Variants in TMEM131 observed in about 807,000 individuals in gnomAD.
TMEM131 encodes the protein transmembrane protein 131, also known as 2610524E03Rik.
A neutral mutation model predicts 211.6 loss-of-function variants in TMEM131; 66 were observed. The ratio of observed to expected loss-of-function variants is 0.31; its 90% CI spans 0.26 to 0.38. TMEM131 has a LOEUF of 0.38. Among genes scored for constraint, TMEM131 ranks in the 10% least tolerant of loss-of-function variants. TMEM131 has a pLI of 1.00. For missense variants in TMEM131, 2,036 were observed against 2,299.3 expected (o/e 0.89, Z 2.34); for synonymous variants, 844 against 841.3 (o/e 1.00, Z -0.06).
intron 12 of TMEM131, among the ~76,000 whole-genome samples, chr2:97,818,308 T>C (rs1681930876): frequency 6.6e-6 from 1 of 152,126 alleles, no homozygotes; most frequent in African/African-American, 2.4e-5. Context: ...TTATAATACA[T>C]AATATGTGTA....
intron 17 of TMEM131, among the ~76,000 whole-genome samples, chr2:97,811,458 AAG>A (rs971570934): frequency 1.1e-4 from 16 of 152,156 alleles, no homozygotes; most frequent in African/African-American, 3.9e-4. Context: ...TGGTTCCTGA[AAG>A]AGGGAGGGGT....
At chr2:97,894,645 T>C (rs747182210) in intron 3 of TMEM131, among the ~76,000 whole-genome samples, 3 of 152,198 alleles carry the variant, frequency 2.0e-5, no homozygotes, top group African/African-American at 7.2e-5. Context: ...TTTGTAGCAA[T>C]TGTGAATGGG....
chr2:97,792,328 A>G, intron 31 of TMEM131, 58 bp downstream of exon 31: 1 of 1,376,414 alleles, frequency 7.3e-7, no homozygotes, highest in African/African-American at 1.4e-5. Context: ...TAGCTCCTTA[A>G]GCACGCACTG....
rs1233149640 is a variant in TMEM131 at position 97,773,944 on chromosome 2, A to AGATT, written c.4321-1521_4321-1520insAATC. Among the ~76,000 whole-genome samples the AGATT allele has an allele frequency of 5.3e-5, 8 of 152,328 alleles. No homozygotes were observed. In the East Asian group the frequency reaches 1.5e-3, roughly 29 times the overall value. ...TGTTTACGGAAGCACTGGCAGGGACAGATGGGGAAGGACGTACTCAGCAAA... is the reference window on the plus strand; with the variant it reads ...TGTTTACGGAAGCACTGGCAGGGACAGATTGATGGGGAAGGACGTACTCAGCAAA... On this transcript the variant is annotated intron_variant, in intron 32 of 40. Coordinates refer to ENST00000186436, the MANE Select transcript of TMEM131 (RefSeq NM_015348.2).
intron 13 of TMEM131, among the ~76,000 whole-genome samples, chr2:97,814,814 T>A (rs1344332198): frequency 2.6e-5 from 4 of 152,208 alleles, no homozygotes; most frequent in Non-Finnish European, 4.4e-5. Flanking sequence ...GAAGTGTTTA[T>A]GAATTTATAA....
intron 1 of TMEM131, among the ~76,000 whole-genome samples, chr2:97,939,110 T>C (rs1677591401): frequency 6.6e-6 from 1 of 151,834 alleles, no homozygotes; most frequent in South Asian, 2.1e-4. Context: ...AACATCACAA[T>C]TAAAAGAACT....
At chr2:97,938,145 A>T (rs543190497) in intron 1 of TMEM131, among the ~76,000 whole-genome samples, 1 of 152,234 alleles carries the variant, frequency 6.6e-6, no homozygotes, top group African/African-American at 2.4e-5. Flanking sequence ...ACCAGCTAAC[A>T]TCATAATGAC....
In TMEM131 at chr2:97,759,758, T is replaced by C; in HGVS notation, c.5109-9A>G. The C allele has an allele frequency of 1.9e-6, 3 of 1,607,602 alleles. No homozygotes were observed. Among genetic ancestry groups the C allele is most frequent in the Non-Finnish European group, 2.6e-6 (3 of 1,176,332 alleles). ...GACTCCACAAACCCGAGCTAAATGT[T>C]ACAAGAGGAAAACGCAACACACAAA... is the stretch of plus-strand genomic sequence containing the variant. On this transcript the variant is annotated splice_polypyrimidine_tract_variant and intron_variant, in intron 38 of 40. Transcript: ENST00000186436.
At chr2:97,762,454 A>C in intron 35 of TMEM131, 1 of 350,548 alleles carries the variant, frequency 2.9e-6, no homozygotes, top group East Asian at 7.6e-5. Flanking sequence ...CAATGTCTTC[A>C]CTTCTCCCAC....
intron 4 of TMEM131, among the ~76,000 whole-genome samples, chr2:97,870,353 C>A (rs17023420): frequency 0.029 from 4,426 of 152,168 alleles, 76 homozygotes; most frequent in Middle Eastern, 0.065. Flanking sequence ...CTTGGCTGAA[C>A]AGGTAAAATT....
intron 10 of TMEM131, among the ~76,000 whole-genome samples, chr2:97,834,117 T>G (rs1380703110): frequency 2.6e-5 from 4 of 152,364 alleles, no homozygotes; most frequent in African/African-American, 7.2e-5. Flanking sequence ...CTACATATTA[T>G]TATATATAGT....
At chr2:97,908,798 AT>A in intron 2 of TMEM131, 100 bp from the exon 3 acceptor site, 1 of 975,036 alleles carries the variant, frequency 1.0e-6, no homozygotes, top group Non-Finnish European at 1.5e-6. Flanking sequence ...TTCAACATTC[AT>A]TTTATACCCA....
At chr2:97,948,680 C>T (rs931738803) in intron 1 of TMEM131, among the ~76,000 whole-genome samples, 6 of 151,668 alleles carry the variant, frequency 4.0e-5, no homozygotes, top group Non-Finnish European at 5.9e-5. Context: ...TTTTTTGAGA[C>T]GGAGCCTCGC....
chr2:97,830,054 T>C (rs528930537), intron 11 of TMEM131, among the ~76,000 whole-genome samples: 20 of 146,536 alleles, frequency 1.4e-4, no homozygotes, highest in African/African-American at 5.1e-4. Context: ...TAAAATACGC[T>C]GCAGTAATAA....
intron 2 of TMEM131, among the ~76,000 whole-genome samples, chr2:97,913,919 G>A (rs1261824130): frequency 6.6e-6 from 1 of 152,130 alleles, no homozygotes; most frequent in Non-Finnish European, 1.5e-5. Context: ...TTCCTTGCAG[G>A]CGATGAGACT....
At chr2:97,767,149 A>C (rs1679209612) in intron 33 of TMEM131, among the ~76,000 whole-genome samples, 1 of 152,208 alleles carries the variant, frequency 6.6e-6, no homozygotes, top group African/African-American at 2.4e-5. Flanking sequence ...GCTAGGATGA[A>C]TTTTCTTCCT....
chr2:97,861,590 C>T (rs1321425639), intron 4 of TMEM131, among the ~76,000 whole-genome samples: 4 of 151,732 alleles, frequency 2.6e-5, no homozygotes, highest in African/African-American at 7.3e-5. Context: ...CGGTATTCTC[C>T]GTGGGCTTGT....
chr2:97,919,914 C>T (rs1288287633), intron 2 of TMEM131, among the ~76,000 whole-genome samples: 1 of 152,180 alleles, frequency 6.6e-6, no homozygotes, highest in Non-Finnish European at 1.5e-5. Flanking sequence ...CTCAGATCTC[C>T]CTACAAGGAA....
chr2:97,869,212 C>T (rs1674393451), intron 4 of TMEM131, among the ~76,000 whole-genome samples: 1 of 152,188 alleles, frequency 6.6e-6, no homozygotes, highest in Admixed American at 6.5e-5. Flanking sequence ...AACTTTAGTA[C>T]AATCAATCTC....
Sources: gnomAD v4.1 joint callset for allele counts (sites outside exome capture counted in the v4.1 genomes callset) on GRCh38, gnomAD v4.1.1 for gene constraint, MANE v1.5 for transcripts, NCBI Gene and HGNC (gene_info 2026-07-23, HGNC 2026-07-21) for gene names.